Variants in JAK1 observed in about 807,000 individuals in gnomAD.
The protein encoded by JAK1 is Janus kinase 1.
JAK1 carries 16 observed loss-of-function variants against 136.6 expected under a neutral mutation model. That is an observed-to-expected ratio of 0.12 (90% CI 0.08 to 0.18). The LOEUF (loss-of-function observed/expected upper bound fraction) is 0.18, where lower values mean the gene tolerates loss of function less well. Among genes scored for constraint, JAK1 ranks in the 10% least tolerant of loss-of-function variants. The pLI is 1.00. For missense variants in JAK1, 859 were observed against 1,450.1 expected, an observed-to-expected ratio of 0.59 and a Z score of 6.62; for synonymous variants, 492 against 519.5, an observed-to-expected ratio of 0.95 and a Z score of 0.72.
At chr1:64,861,372 G>C (rs139699847) in intron 8 of JAK1, among the ~76,000 whole-genome samples, 7 of 152,282 alleles carry the variant, frequency 4.6e-5, no homozygotes, top group Non-Finnish European at 1.0e-4. Context: ...CTGTGGAGAA[G>C]AGGAGGGAGG....
intron 6 of JAK1, among the ~76,000 whole-genome samples, chr1:64,868,212 T>C (rs771148599): frequency 5.9e-5 from 9 of 152,152 alleles, no homozygotes; most frequent in Non-Finnish European, 1.3e-4. Context: ...GCTGATATAC[T>C]GCTAGAACGG....
At chr1:65,004,418 T>G (rs1646787537) in intron 2 of JAK1, among the ~76,000 whole-genome samples, 1 of 152,184 alleles carries the variant, frequency 6.6e-6, no homozygotes, top group African/African-American at 2.4e-5. Flanking sequence ...GCTGGACTCG[T>G]GAGTGACCAT....
chr1:64,929,821 T>C (rs1242220722), intron 1 of JAK1, among the ~76,000 whole-genome samples: 1 of 152,166 alleles, frequency 6.6e-6, no homozygotes, highest in African/African-American at 2.4e-5. Context: ...ATGGTACTAT[T>C]ACCAAAACAG....
intron 24 of JAK1, 138 bp downstream of exon 24, chr1:64,835,258 T>C (rs1654403492): frequency 1.3e-5 from 7 of 522,298 alleles, no homozygotes; most frequent in East Asian, 3.2e-5. Flanking sequence ...TTATGTGAAA[T>C]TCAGCTTCAG....
chr1:64,835,313 C>T (rs1048137435), intron 24 of JAK1, 83 bp downstream of exon 24: 4 of 690,916 alleles, frequency 5.8e-6, no homozygotes, highest in Non-Finnish European at 1.0e-5. Context: ...CCTCGCTCTC[C>T]CCTCTACCCA....
chr1:65,047,926 T>A (rs935174138), intron 1 of JAK1, among the ~76,000 whole-genome samples: 10 of 151,802 alleles, frequency 6.6e-5, no homozygotes, highest in African/African-American at 2.4e-4. Context: ...AAAAAAAAAA[T>A]CAGTTGTGGA....
At chr1:64,975,589 T>G (rs1369871716) in intron 2 of JAK1, among the ~76,000 whole-genome samples, 1 of 152,202 alleles carries the variant, frequency 6.6e-6, no homozygotes, top group Non-Finnish European at 1.5e-5. Context: ...ATCCTGTCCC[T>G]TTTGCATGGC....
rs575787184 is a variant in JAK1 at position 64,985,986 on chromosome 1, A to G, written c.-78+58494T>C. The G allele has an allele frequency of 5.6e-4, 717 of 1,285,106 alleles. 2 individuals carry two copies. Among genetic ancestry groups the G allele is most frequent in the Non-Finnish European group, 7.4e-4 (663 of 897,576 alleles). The allele number at this position is 1,285,106 out of a possible 1,614,324, so 79.6% of individuals were successfully genotyped here. ...AGTGTTGATAAATTCCCTTATGATC[A>G]TCTCAGGAGCATTGATGACCCCAGT... is the stretch of plus-strand genomic sequence containing the variant. On this transcript the variant is annotated intron_variant, in intron 2 of 25. Transcript: ENST00000671954.
At chr1:65,006,531 T>C (rs1005535281) in intron 2 of JAK1, among the ~76,000 whole-genome samples, 1 of 152,156 alleles carries the variant, frequency 6.6e-6, no homozygotes, top group African/African-American at 2.4e-5. Flanking sequence ...CTAATTCGTT[T>C]ATTTTTTGTA....
chr1:64,883,365 G>T lies in JAK1; in HGVS notation c.117C>A (p.Ile39=), dbSNP rs201209279. The T allele has an allele frequency of 6.8e-5, 109 of 1,614,188 alleles. 1 individual carries two copies. The African/African-American group carries it at 1.3e-3, about 19-fold the overall frequency. Residue 39 remains isoleucine (I), a synonymous_variant, in exon 3 of 25, where the codon ATC becomes ATA. Transcript: ENST00000342505. The part of the protein sequence containing the change: ...LEAPEPGVEV[I]FYLSDREPLR... ...GGGGCTCCCTGTCCGACAGATAGAA[G>T]ATCACTTCCACCCCTGGCTCAGGGG...
chr1:65,019,991 C>G (rs1454273992), intron 2 of JAK1, among the ~76,000 whole-genome samples: 1 of 151,714 alleles, frequency 6.6e-6, no homozygotes, highest in African/African-American at 2.4e-5. Flanking sequence ...TTTGGGAGGC[C>G]AAGGTGGGCA....
intron 1 of JAK1, among the ~76,000 whole-genome samples, chr1:64,940,222 A>C (rs909754855): frequency 1.3e-5 from 2 of 152,204 alleles, no homozygotes; most frequent in Non-Finnish European, 2.9e-5. Flanking sequence ...GTGTGTGTAC[A>C]TGTGCATGCA....
At chr1:64,899,114 G>C (rs931914218) in intron 1 of JAK1, among the ~76,000 whole-genome samples, 6 of 152,124 alleles carry the variant, frequency 3.9e-5, no homozygotes, top group Admixed American at 1.3e-4. Flanking sequence ...ATAATTTGAA[G>C]TATCATTCCT....
At chr1:64,876,253 C>T (rs562028913) in intron 4 of JAK1, 2 of 152,356 alleles carry the variant, frequency 1.3e-5, no homozygotes, top group African/African-American at 4.8e-5. Flanking sequence ...CCTACTGAGT[C>T]TCTGTGAGAA....
chr1:64,849,348 C>T (rs758842833), intron 12 of JAK1, among the ~76,000 whole-genome samples: 11 of 152,210 alleles, frequency 7.2e-5, no homozygotes, highest in African/African-American at 2.4e-4. Flanking sequence ...TACCACTACA[C>T]GCAGCTCATT....
chr1:64,907,909 A>G (rs1228783578), intron 1 of JAK1, among the ~76,000 whole-genome samples: 1 of 152,226 alleles, frequency 6.6e-6, no homozygotes, highest in East Asian at 1.9e-4. Flanking sequence ...CATTAATTGA[A>G]ATACAATTAT....
At chr1:65,064,369 A>G (rs1193363837) in intron 1 of JAK1, among the ~76,000 whole-genome samples, 4 of 152,230 alleles carry the variant, frequency 2.6e-5, no homozygotes, top group Non-Finnish European at 5.9e-5. Flanking sequence ...AACCCGAACC[A>G]GAGTAAAAGA....
At chr1:64,840,702 T>C (rs1374390370) in intron 19 of JAK1, among the ~76,000 whole-genome samples, 1 of 152,064 alleles carries the variant, frequency 6.6e-6, no homozygotes, top group Admixed American at 6.6e-5. Flanking sequence ...CATGGGGGCG[T>C]GTGCCTGTAG....
At chr1:64,871,517 T>C (rs1333242584) in intron 5 of JAK1, among the ~76,000 whole-genome samples, 8 of 152,334 alleles carry the variant, frequency 5.3e-5, no homozygotes, top group South Asian at 2.1e-4. Flanking sequence ...TCTCCACTTG[T>C]ATGTTTCACA....
Sources: allele counts gnomAD v4.1 joint callset (sites outside exome capture counted in the v4.1 genomes callset), GRCh38; gene constraint gnomAD v4.1.1; transcripts MANE v1.5; gene names NCBI Gene and HGNC (gene_info 2026-07-23, HGNC 2026-07-21).